CPNE8: variants seen among roughly 807,000 people sequenced by gnomAD.
The protein encoded by CPNE8 is copine-8.
Under a neutral mutation model 81.5 loss-of-function variants are expected in CPNE8, and 45 were observed. The observed-to-expected ratio is 0.55, with a 90% CI of 0.44 to 0.71. The LOEUF is 0.71. Ranked by LOEUF, CPNE8 falls within the 30% of genes least tolerant of loss-of-function variation. The probability of loss-of-function intolerance (pLI) is 0.00; values close to 1 mark genes in which losing one functional copy is unlikely to be tolerated. For missense variants in CPNE8, 594 were observed against 672.1 expected (o/e 0.88, Z 1.28); for synonymous variants, 252 against 226.3 (o/e 1.11, Z -1.02).
intron 1 of CPNE8, among the ~76,000 whole-genome samples, chr12:38,887,648 A>G (rs144751163): frequency 6.6e-6 from 1 of 152,338 alleles, no homozygotes; most frequent in East Asian, 1.9e-4. Context: ...GAAACTTTCA[A>G]AACACTTTAT....
chr12:38,689,846 A>G (rs183877013), intron 15 of CPNE8, among the ~76,000 whole-genome samples: 1 of 152,320 alleles, frequency 6.6e-6, no homozygotes. Flanking sequence ...TCAGTTATAA[A>G]TCCAAAAGGA....
At chr12:38,782,103 A>G (rs1942065387) in intron 6 of CPNE8, among the ~76,000 whole-genome samples, 1 of 152,154 alleles carries the variant, frequency 6.6e-6, no homozygotes, top group Admixed American at 6.6e-5. Context: ...TGACAAATGT[A>G]TTAAATACCA....
chr12:38,871,261 G>A (rs1943988007), intron 3 of CPNE8, among the ~76,000 whole-genome samples: 1 of 152,144 alleles, frequency 6.6e-6, no homozygotes, highest in Non-Finnish European at 1.5e-5. Flanking sequence ...ATCCAATAAA[G>A]TTTCCAGTTG....
At chr12:38,818,175 T>G (rs1041281723) in intron 6 of CPNE8, among the ~76,000 whole-genome samples, 1 of 152,124 alleles carries the variant, frequency 6.6e-6, no homozygotes, top group Non-Finnish European at 1.5e-5. Flanking sequence ...GGGATGCATG[T>G]GCAGAAAGTG....
chr12:38,867,818 C>A (rs543926759), intron 3 of CPNE8, among the ~76,000 whole-genome samples: 4 of 152,090 alleles, frequency 2.6e-5, no homozygotes, highest in Non-Finnish European at 5.9e-5. Flanking sequence ...AATTACTACA[C>A]ACTAAAAATA....
intron 6 of CPNE8, among the ~76,000 whole-genome samples, chr12:38,806,602 TC>T (rs998032308): frequency 6.7e-6 from 1 of 148,446 alleles, no homozygotes; most frequent in Admixed American, 6.7e-5. Context: ...GGGACGTATC[TC>T]AAAATAATAA....
rs186416291 is a variant in CPNE8, at chr12:38,753,899, G to A, written c.722+6948C>T. ...AAAATAGAGCTATATAAAGAGTTCC[G>A]TACTATTCATGGTTTCAGGCATCCA... On this transcript the variant is annotated intron_variant, in intron 10 of 19. Transcript: ENST00000331366. Among the ~76,000 whole-genome samples, 245 of 152,184 alleles carry A rather than the reference G, an allele frequency of 1.6e-3. 1 individual carries two copies. The highest frequency in any genetic ancestry group is 5.0e-3 in the African/African-American group (209 of 41,506).
At chr12:38,893,860 T>G (rs1944348009) in intron 1 of CPNE8, among the ~76,000 whole-genome samples, 1 of 152,226 alleles carries the variant, frequency 6.6e-6, no homozygotes, top group South Asian at 2.1e-4. Flanking sequence ...TTAAATACAC[T>G]AGAGGAATTG....
intron 19 of CPNE8, among the ~76,000 whole-genome samples, chr12:38,669,391 C>T (rs1461961063): frequency 6.6e-6 from 1 of 151,866 alleles, no homozygotes; most frequent in Non-Finnish European, 1.5e-5. Context: ...ATTTGTTGTT[C>T]TTTTGTCTAA....
At chr12:38,679,600 A>G (rs1939367564) in intron 16 of CPNE8, 7 of 985,076 alleles carry the variant, frequency 7.1e-6, no homozygotes, top group Non-Finnish European at 8.4e-6. Flanking sequence ...AGTTCTGTCC[A>G]ATCCATTTTA....
chr12:38,752,865 G>C (rs1457019257), intron 10 of CPNE8, among the ~76,000 whole-genome samples: 2 of 152,102 alleles, frequency 1.3e-5, no homozygotes, highest in Non-Finnish European at 2.9e-5. Flanking sequence ...TCTATTTGAT[G>C]TTTTGAACTT....
At chr12:38,815,161 G>A (rs114374524) in intron 6 of CPNE8, among the ~76,000 whole-genome samples, 350 of 152,202 alleles carry the variant, frequency 2.3e-3, no homozygotes, top group African/African-American at 8.2e-3. Flanking sequence ...ACAGGCTGGT[G>A]CCACCACTGG....
At chr12:38,869,633 C>T (rs528206315) in intron 3 of CPNE8, among the ~76,000 whole-genome samples, 5 of 152,136 alleles carry the variant, frequency 3.3e-5, no homozygotes, top group African/African-American at 9.7e-5. Context: ...TCTTGCATTT[C>T]GCACTTCCTT....
In CPNE8 at chr12:38,756,479, G is replaced by A. The variant is rs184327518; in HGVS notation, c.722+4368C>T. Reference sequence around the variant, plus strand: ...AGCCATCTTCCTGCCTCAGTCTCCCGAGTAGCGAGGACTACAGCCACACGC... The same window carrying A: ...AGCCATCTTCCTGCCTCAGTCTCCCAAGTAGCGAGGACTACAGCCACACGC... On this transcript the variant is annotated intron_variant, in intron 10 of 19. Coordinates refer to ENST00000331366, the MANE Select transcript of CPNE8 (RefSeq NM_153634.3). 1.7e-3 allele frequency among the ~76,000 whole-genome samples: 252 copies of A among 151,410 alleles called. 1 individual carries two copies. Among genetic ancestry groups the A allele is most frequent in the African/African-American group, 5.2e-3 (215 of 41,208 alleles).
intron 1 of CPNE8, among the ~76,000 whole-genome samples, chr12:38,897,277 G>A (rs1039215249): frequency 2.0e-5 from 3 of 152,038 alleles, no homozygotes; most frequent in Admixed American, 6.6e-5. Context: ...ATAGGAATGG[G>A]ATGGAAGTAA....
chr12:38,894,888 A>AGGAGAT (rs1944368062), intron 1 of CPNE8, among the ~76,000 whole-genome samples: 1 of 152,126 alleles, frequency 6.6e-6, no homozygotes, highest in Admixed American at 6.6e-5. Context: ...TCAGAGTTAT[A>AGGAGAT]GGAGATGGAT....
chr12:38,700,790 T>A (rs1939922485), intron 14 of CPNE8, among the ~76,000 whole-genome samples: 1 of 152,098 alleles, frequency 6.6e-6, no homozygotes, highest in African/African-American at 2.4e-5. Flanking sequence ...ACTGTTCTCA[T>A]AATAGTGAAT....
chr12:38,780,220 A>C (rs1942021903), intron 6 of CPNE8, among the ~76,000 whole-genome samples: 1 of 152,256 alleles, frequency 6.6e-6, no homozygotes, highest in South Asian at 2.1e-4. Context: ...TCAGTTGACT[A>C]TATATGTTTG....
intron 8 of CPNE8, among the ~76,000 whole-genome samples, chr12:38,763,120 G>A (rs942659694): frequency 2.0e-5 from 3 of 152,176 alleles, no homozygotes; most frequent in Non-Finnish European, 2.9e-5. Flanking sequence ...CCCTCTCAAA[G>A]TGCTGGGATT....
Sources: gnomAD v4.1 joint callset for allele counts (sites outside exome capture counted in the v4.1 genomes callset) on GRCh38, gnomAD v4.1.1 for gene constraint, MANE v1.5 for transcripts, NCBI Gene and HGNC (gene_info 2026-07-23, HGNC 2026-07-21) for gene names.